PLXNA4: variants seen among roughly 807,000 people sequenced by gnomAD.
The protein encoded by PLXNA4 is plexin-A4.
Under a neutral mutation model 191.8 loss-of-function variants are expected in PLXNA4, and 44 were observed. The ratio of observed to expected loss-of-function variants is 0.23; its 90% CI spans 0.18 to 0.29. PLXNA4 has a LOEUF of 0.29. Among genes scored for constraint, PLXNA4 ranks in the 10% least tolerant of loss-of-function variants. The pLI, the probability that PLXNA4 is intolerant of heterozygous loss-of-function variation, is 1.00. For synonymous variants in PLXNA4, 1,082 were observed against 1,009.5 expected, an observed-to-expected ratio of 1.07 and a Z score of -1.36; for missense variants, 1,800 against 2,488.8, an observed-to-expected ratio of 0.72 and a Z score of 5.89.
At chr7:132,138,695 C>T (rs564453288) in intron 30 of PLXNA4, among the ~76,000 whole-genome samples, 8 of 152,036 alleles carry the variant, frequency 5.3e-5, no homozygotes, top group Non-Finnish European at 1.0e-4. Context: ...AAATGGAAAC[C>T]ATCAAATCAC....
intron 2 of PLXNA4, among the ~76,000 whole-genome samples, chr7:132,602,736 AG>A (rs1399994101): frequency 2.0e-5 from 3 of 152,316 alleles, no homozygotes; most frequent in African/African-American, 7.2e-5. Flanking sequence ...AAGAGGGATC[AG>A]AGACATGAGA....
chr7:132,206,828 T>A (rs1447035978), intron 10 of PLXNA4, among the ~76,000 whole-genome samples: 1 of 152,072 alleles, frequency 6.6e-6, no homozygotes, highest in Non-Finnish European at 1.5e-5. Context: ...ACTTAGCATT[T>A]ATATAGCTCT....
At chr7:132,576,601 C>A, upstream of PLXNA4, 1 of 985,974 alleles carries the variant, frequency 1.0e-6, no homozygotes, top group Non-Finnish European at 1.2e-6. This position sits in a 1 kb window ranked among gnomAD's most constrained non-coding sequence, Gnocchi z 5.8. Flanking sequence ...CGGGAGCAGC[C>A]GAGGAACGCG....
chr7:132,417,868 TG>T (rs1794713616), intron 3 of PLXNA4, among the ~76,000 whole-genome samples: 1 of 152,294 alleles, frequency 6.6e-6, no homozygotes, highest in African/African-American at 2.4e-5. Context: ...TCTTTCTCTC[TG>T]GGCCCCCTAT....
chr7:132,583,974 G>A (rs1802458640), intron 2 of PLXNA4, among the ~76,000 whole-genome samples: 1 of 152,214 alleles, frequency 6.6e-6, no homozygotes, highest in African/African-American at 2.4e-5. Flanking sequence ...ATCAGCCACT[G>A]TGGATGTATT....
chr7:132,159,992 G>A (rs925044374), intron 24 of PLXNA4, among the ~76,000 whole-genome samples: 2 of 152,194 alleles, frequency 1.3e-5, no homozygotes, highest in African/African-American at 4.8e-5. Context: ...GCATGCACAC[G>A]TGCTATCTCT....
chr7:132,430,073 G>T (rs1795202946), intron 3 of PLXNA4, among the ~76,000 whole-genome samples: 1 of 152,152 alleles, frequency 6.6e-6, no homozygotes. Flanking sequence ...GGTAATAAGA[G>T]ACCAACATCC....
intron 4 of PLXNA4, among the ~76,000 whole-genome samples, chr7:132,268,841 G>A (rs1233603297): frequency 2.0e-5 from 3 of 152,132 alleles, no homozygotes; most frequent in African/African-American, 7.2e-5. Context: ...GTGTGGTGTG[G>A]GGAAGGAGTA....
rs1156315109 is a variant in PLXNA4 at position 132,132,380 on chromosome 7, T to TTGTTC, written c.5589+664_5589+668dup. On this transcript the variant is annotated intron_variant, in intron 31 of 31. Transcript: ENST00000321063. ...GAACAAAACAGAAAACACATTCTAT[T>TTGTTC]TGTTCTGTTCTGTTCTGTTCTGTTC... Among the ~76,000 whole-genome samples, 268 of 128,978 alleles carry TTGTTC rather than the reference T, an allele frequency of 2.1e-3. 8 individuals carry two copies. The highest frequency in any genetic ancestry group is 7.4e-3 in the East Asian group (29 of 3,932). 84.6% of individuals were successfully genotyped at this position (128,978 alleles called of 152,430 possible). A position where few individuals can be genotyped will look rare whatever the true frequency, so the allele number is the denominator to read the frequency against.
chr7:132,414,663 G>C (rs928503511), intron 3 of PLXNA4, among the ~76,000 whole-genome samples: 1 of 152,020 alleles, frequency 6.6e-6, no homozygotes, highest in African/African-American at 2.4e-5. Context: ...TGATTATGAG[G>C]GTGGCTAATT....
Position 132,198,503 on chromosome 7 carries a change from C to T in PLXNA4, c.2720G>A (p.Gly907Asp), listed in dbSNP as rs1317069945. 1.2e-6 allele frequency: 2 copies of T among 1,614,156 alleles called. No homozygotes were observed. Among genetic ancestry groups the T allele is most frequent in the South Asian group, 2.2e-5 (2 of 91,080 alleles). The change falls in exon 13 of 32, where the codon GGT becomes GAT. Residue 907 changes from glycine (G) to aspartate (D), a missense_variant. This residue lies in a region of PLXNA4 where 1,397 missense variants were observed against 1,880.4 expected (regional missense o/e 0.74). Transcript: ENST00000321063. ...CACTTACTGTTCTGCAGGGATGTAA[C>T]CATCCACTAAAGGGCTGCACTCCAC... is the stretch of plus-strand genomic sequence containing the variant. Reference protein sequence around the residue: ...AGVECSPLVDGYIPAEQIVCE... With the variant: ...AGVECSPLVDDYIPAEQIVCE...
chr7:132,307,795 CTTTGT>C (rs58727170), intron 3 of PLXNA4, among the ~76,000 whole-genome samples: 61,502 of 151,506 alleles, frequency 0.41, 12,578 homozygotes, highest in South Asian at 0.54. Flanking sequence ...CCATGAGGTA[CTTTGT>C]TTTGATTTCC....
At chr7:132,350,432 A>T (rs140417251) in intron 3 of PLXNA4, among the ~76,000 whole-genome samples, 1 of 152,290 alleles carries the variant, frequency 6.6e-6, no homozygotes, top group East Asian at 1.9e-4. Flanking sequence ...CTTGAACCAG[A>T]GGTGGAGACT....
intron 3 of PLXNA4, among the ~76,000 whole-genome samples, chr7:132,366,556 A>C (rs927618591): frequency 2.0e-5 from 3 of 152,166 alleles, no homozygotes; most frequent in Non-Finnish European, 4.4e-5. Flanking sequence ...GAATTAAATA[A>C]GAAGTATTTC....
intron 3 of PLXNA4, among the ~76,000 whole-genome samples, chr7:132,335,043 T>A (rs1802762782): frequency 6.6e-6 from 1 of 152,246 alleles, no homozygotes; most frequent in Non-Finnish European, 1.5e-5. Context: ...AAAATTTATA[T>A]TTGGCATAAC....
chr7:132,619,173 T>C (rs1297362004), intron 2 of PLXNA4, among the ~76,000 whole-genome samples: 2 of 152,092 alleles, frequency 1.3e-5, no homozygotes, highest in East Asian at 3.9e-4. Context: ...AAAGAACCCT[T>C]AAAAAGAGTG....
rs1204942871 is a variant in PLXNA4, at chr7:132,469,808, C to T, written c.1371+19484G>A. ...ATCTTGCTCAACAGTAACTGTTAAG[C>T]GGAAGATGGCAGTAGTGCCAGGAAA... On this transcript the variant is annotated intron_variant, in intron 3 of 31. Coordinates refer to ENST00000321063, the MANE Select transcript of PLXNA4 (RefSeq NM_020911.2). Among the ~76,000 whole-genome samples, 8 of 152,284 alleles carry T rather than the reference C, an allele frequency of 5.3e-5. No individual in the cohort carries two copies. The East Asian group carries it at 7.7e-4, about 15-fold the overall frequency.
At chr7:132,177,073 G>A (rs183529123) in intron 20 of PLXNA4, among the ~76,000 whole-genome samples, 102 of 152,232 alleles carry the variant, frequency 6.7e-4, no homozygotes, top group African/African-American at 2.2e-3. Context: ...GTACATGAGC[G>A]TGTGAGCACA....
chr7:132,582,331 A>G (rs750777412), intron 2 of PLXNA4, among the ~76,000 whole-genome samples: 1 of 152,174 alleles, frequency 6.6e-6, no homozygotes, highest in Non-Finnish European at 1.5e-5. Flanking sequence ...TAACACATTT[A>G]CAAGATGGTT....
Sources: gnomAD v4.1 joint callset for allele counts (sites outside exome capture counted in the v4.1 genomes callset) on GRCh38, gnomAD v4.1.1 for gene constraint, gnomAD v4.1.1 regional missense constraint, Gnocchi (gnomAD v3.1) non-coding constraint, MANE v1.5 for transcripts, NCBI Gene and HGNC (gene_info 2026-07-23, HGNC 2026-07-21) for gene names.